VPS37A: variants seen among roughly 807,000 people sequenced by gnomAD.
The protein encoded by VPS37A is vacuolar protein sorting-associated protein 37A.
VPS37A carries 30 observed loss-of-function variants against 49.8 expected under a neutral mutation model. The observed-to-expected ratio is 0.60, with a 90% CI of 0.45 to 0.82. The LOEUF (loss-of-function observed/expected upper bound fraction) is 0.82. Among genes scored for constraint, VPS37A ranks in the 40% least tolerant of loss-of-function variants. The probability of loss-of-function intolerance (pLI) is 0.00; values close to 1 mark genes in which losing one functional copy is unlikely to be tolerated. For synonymous variants in VPS37A, 195 were observed against 160.6 expected (o/e 1.21, Z -1.62); for missense variants, 593 against 464.4 (o/e 1.28, Z -2.55).
At chr8:17,307,958 AG>A in the VPS37A span, among the ~76,000 whole-genome samples, 1 of 152,146 alleles carries the variant, frequency 6.6e-6, no homozygotes, top group African/African-American at 2.4e-5. Context: ...TAATGGGTGC[AG>A]CACACCAACA....
At chr8:17,287,249 G>C (rs964729665) in intron 11 of VPS37A, among the ~76,000 whole-genome samples, 1 of 152,258 alleles carries the variant, frequency 6.6e-6, no homozygotes, top group South Asian at 2.1e-4. Context: ...ATTTATTATA[G>C]AGTAAAAATG....
At chr8:17,267,815 C>G (rs990094409) in intron 2 of VPS37A, among the ~76,000 whole-genome samples, 3 of 152,164 alleles carry the variant, frequency 2.0e-5, no homozygotes, top group African/African-American at 4.8e-5. Flanking sequence ...GCATGCACCA[C>G]CATGCCCAGC....
chr8:17,276,363 C>G (rs373986816), intron 5 of VPS37A, 34 bp from the exon 6 acceptor site: 1 of 1,573,402 alleles, frequency 6.4e-7, no homozygotes, highest in Non-Finnish European at 8.7e-7. Context: ...AAAATAATGG[C>G]TGAAATTTAA....
the VPS37A span, among the ~76,000 whole-genome samples, chr8:17,312,769 T>C: frequency 3.3e-5 from 5 of 152,232 alleles, no homozygotes; most frequent in South Asian, 8.3e-4. Flanking sequence ...AGGGAAGATA[T>C]GGTTCTCTTT....
At chr8:17,257,152 A>T (rs1812540172) in intron 1 of VPS37A, among the ~76,000 whole-genome samples, 2 of 152,042 alleles carry the variant, frequency 1.3e-5, no homozygotes, top group South Asian at 4.1e-4. Context: ...ATAGTTACCC[A>T]ATTTTCCCAG....
chr8:17,269,331 C>G (rs1447602667), intron 4 of VPS37A, among the ~76,000 whole-genome samples: 1 of 152,050 alleles, frequency 6.6e-6, no homozygotes, highest in Non-Finnish European at 1.5e-5. Context: ...ATTACTGTGA[C>G]TCTCAATATT....
intron 1 of VPS37A, among the ~76,000 whole-genome samples, chr8:17,260,004 C>A (rs928205720): frequency 3.9e-5 from 6 of 152,034 alleles, no homozygotes; most frequent in Non-Finnish European, 8.8e-5. Context: ...ATTCTTGGGT[C>A]TTGTTGCTTT....
chr8:17,273,674 C>T (rs533063144), intron 4 of VPS37A, among the ~76,000 whole-genome samples: 1 of 152,072 alleles, frequency 6.6e-6, no homozygotes, highest in South Asian at 2.1e-4. Context: ...ATTTGTTTTG[C>T]TTTATCAAAG....
At chr8:17,293,617 T>G (rs1816343758) in intron 11 of VPS37A, among the ~76,000 whole-genome samples, 1 of 152,206 alleles carries the variant, frequency 6.6e-6, no homozygotes, top group South Asian at 2.1e-4. Flanking sequence ...TTCTTTGTTG[T>G]TGGTGACCTT....
the VPS37A span, among the ~76,000 whole-genome samples, chr8:17,316,906 G>GATT: frequency 6.6e-6 from 1 of 152,090 alleles, no homozygotes; most frequent in Non-Finnish European, 1.5e-5. Context: ...GGATACTGAG[G>GATT]GATGACTCTA....
intron 1 of VPS37A, among the ~76,000 whole-genome samples, chr8:17,259,713 T>C (rs1180526414): frequency 6.6e-6 from 1 of 152,124 alleles, no homozygotes; most frequent in Non-Finnish European, 1.5e-5. Flanking sequence ...TCTTTCTCTT[T>C]AGGTTCATTA....
downstream of VPS37A, chr8:17,299,597 G>C (rs1816963453): frequency 1.1e-5 from 5 of 440,422 alleles, no homozygotes; most frequent in African/African-American, 2.0e-5. Flanking sequence ...AGAAGTAATT[G>C]CTCTGCAGTG....
Position 17,292,022 on chromosome 8 carries a change from A to G in VPS37A, c.*1-2965A>G, listed in dbSNP as rs190846798. ...CCAGAACTCAGTTCAAGTCCTGAAT[A>G]TCCTTGTTAATTTTCTGTCTCGTTG... On this transcript the variant is annotated intron_variant, in intron 11 of 11. Transcript: ENST00000324849. Among the ~76,000 whole-genome samples the G allele has an allele frequency of 2.0e-4, 30 of 152,258 alleles. No homozygotes were observed. In the East Asian group the frequency reaches 5.0e-3, roughly 26 times the overall value.
downstream of VPS37A, chr8:17,298,205 T>C (rs1248365307): frequency 6.6e-6 from 1 of 152,076 alleles, no homozygotes; most frequent in African/African-American, 2.4e-5. Context: ...TACCACTATA[T>C]CCTAAGTTTT....
chr8:17,295,002 T>C lies in VPS37A; in HGVS notation c.*16T>C, dbSNP rs1009571674. The stretch of plus-strand genomic sequence containing the variant: ...TTCTTTCTAGATTTTCCTGGAAACA[T>C]GAACTGCCAAGAGAGGAATGGGACA... On this transcript the variant is annotated 3_prime_UTR_variant, in exon 12 of 12. Transcript: ENST00000324849. The C allele has an allele frequency of 6.6e-6, 1 of 152,668 alleles. No homozygotes were observed. 9.5% of individuals were successfully genotyped at this position (152,668 alleles called of 1,614,324 possible). A position where few individuals can be genotyped will look rare whatever the true frequency, so the allele number is the denominator to read the frequency against.
chr8:17,252,213 C>G (rs1812045106), intron 1 of VPS37A, among the ~76,000 whole-genome samples: 2 of 152,178 alleles, frequency 1.3e-5, no homozygotes, highest in Admixed American at 1.3e-4. Context: ...CACTCTGTTA[C>G]CCAGGCTAGA....
downstream of VPS37A, chr8:17,301,904 T>G: frequency 2.3e-6 from 1 of 442,144 alleles, no homozygotes; most frequent in Admixed American, 4.1e-5. Context: ...CCAAACAAGT[T>G]GACCTAAAAT....
At chr8:17,257,014 T>C (rs566901270) in intron 1 of VPS37A, among the ~76,000 whole-genome samples, 7 of 152,244 alleles carry the variant, frequency 4.6e-5, no homozygotes, top group African/African-American at 1.7e-4. Context: ...AACAATGTAC[T>C]GAAGCATTTC....
the VPS37A span, among the ~76,000 whole-genome samples, chr8:17,308,756 G>T: frequency 6.6e-6 from 1 of 152,122 alleles, no homozygotes; most frequent in Non-Finnish European, 1.5e-5. Flanking sequence ...AGGTCAGACA[G>T]CCCAGACGTC....
Sources: gnomAD v4.1 joint callset for allele counts (sites outside exome capture counted in the v4.1 genomes callset) on GRCh38, gnomAD v4.1.1 for gene constraint, MANE v1.5 for transcripts, NCBI Gene and HGNC (gene_info 2026-07-23, HGNC 2026-07-21) for gene names.